DSCAML1: variants seen among roughly 807,000 people sequenced by gnomAD.
DSCAML1 encodes cell adhesion molecule DSCAML1.
DSCAML1 carries 38 observed loss-of-function variants against 200.5 expected under a neutral mutation model. That is an observed-to-expected ratio of 0.19 (90% CI 0.15 to 0.25). The LOEUF is 0.25. DSCAML1 is among the 10% of genes least tolerant of loss of function. The pLI is 1.00. For missense variants in DSCAML1, 2,223 were observed against 2,858.8 expected (o/e 0.78, Z 5.07); for synonymous variants, 1,215 against 1,165.0 (o/e 1.04, Z -0.87).
chr11:117,663,890 G>A (rs1023773671), intron 3 of DSCAML1, among the ~76,000 whole-genome samples: 1 of 152,172 alleles, frequency 6.6e-6, no homozygotes, highest in Non-Finnish European at 1.5e-5. Flanking sequence ...TATTTATAGC[G>A]TGACTGAAAC....
chr11:117,580,899 T>G (rs1330410205), intron 3 of DSCAML1, among the ~76,000 whole-genome samples: 1 of 152,148 alleles, frequency 6.6e-6, no homozygotes, highest in Non-Finnish European at 1.5e-5. Flanking sequence ...TTACACAGAT[T>G]AAAGAACAAT....
At chr11:117,513,461 C>A (rs979765860) in intron 8 of DSCAML1, among the ~76,000 whole-genome samples, 1 of 152,156 alleles carries the variant, frequency 6.6e-6, no homozygotes, top group Non-Finnish European at 1.5e-5. Context: ...CCACTTTCAT[C>A]CGGGAGCGGT....
In DSCAML1 at chr11:117,657,801, A is replaced by G. The variant is rs115456274; in HGVS notation, c.511+118990T>C. Among the ~76,000 whole-genome samples, 381 of 152,274 alleles carry G rather than the reference A, an allele frequency of 2.5e-3. 1 individual carries two copies. Among genetic ancestry groups the G allele is most frequent in the African/African-American group, 8.6e-3 (358 of 41,554 alleles). ...CTTTGAAGGCCCCCTTTTAGCCCTGAGATTCTGAACTGTGATCAGTGAATA... is the reference window on the plus strand; with the variant it reads ...CTTTGAAGGCCCCCTTTTAGCCCTGGGATTCTGAACTGTGATCAGTGAATA... On this transcript the variant is annotated intron_variant, in intron 3 of 32. Coordinates refer to ENST00000651296, the MANE Select transcript of DSCAML1 (RefSeq NM_020693.4).
At chr11:117,793,175 T>G (rs2055506460) in intron 1 of DSCAML1, among the ~76,000 whole-genome samples, 1 of 152,150 alleles carries the variant, frequency 6.6e-6, no homozygotes, top group Admixed American at 6.5e-5. Context: ...AAATCTGGGG[T>G]GTGCCCTTGG....
intron 18 of DSCAML1, among the ~76,000 whole-genome samples, chr11:117,460,456 G>A (rs1429793218): frequency 1.3e-5 from 2 of 152,160 alleles, no homozygotes; most frequent in Non-Finnish European, 1.5e-5. Flanking sequence ...AGAGGGCCCA[G>A]GGGGCTGGGA....
chr11:117,670,598 G>C (rs193222243), intron 3 of DSCAML1, among the ~76,000 whole-genome samples: 1 of 152,114 alleles, frequency 6.6e-6, no homozygotes, highest in Non-Finnish European at 1.5e-5. Context: ...GAAGGCTGAC[G>C]GGAGGGGTCA....
At chr11:117,442,026 GTGTGTA>G (rs2048061791) in intron 21 of DSCAML1, among the ~76,000 whole-genome samples, 3 of 100,812 alleles carry the variant, frequency 3.0e-5, no homozygotes, top group South Asian at 3.5e-4. Flanking sequence ...GCATGTGAGT[GTGTGTA>G]TGTGTGTGTG....
At chr11:117,515,960 C>T (rs2049757444) in intron 8 of DSCAML1, among the ~76,000 whole-genome samples, 1 of 152,076 alleles carries the variant, frequency 6.6e-6, no homozygotes, top group Admixed American at 6.5e-5. Context: ...CTTTCCAGGC[C>T]TCAAGCAGTA....
At chr11:117,794,054 T>C (rs1275280007) in intron 1 of DSCAML1, among the ~76,000 whole-genome samples, 1 of 144,106 alleles carries the variant, frequency 6.9e-6, no homozygotes, top group East Asian at 2.3e-4. Flanking sequence ...TTTTTTTAAT[T>C]AGACACTGAA....
chr11:117,688,360 T>C (rs2053441108), intron 3 of DSCAML1, among the ~76,000 whole-genome samples: 1 of 152,084 alleles, frequency 6.6e-6, no homozygotes, highest in African/African-American at 2.4e-5. Context: ...TTCTCGGGGA[T>C]GGGCCCAGGC....
At chr11:117,549,654 C>G (rs77342459) in intron 3 of DSCAML1, among the ~76,000 whole-genome samples, 2,328 of 152,334 alleles carry the variant, frequency 0.015, 37 homozygotes, top group East Asian at 0.079. Flanking sequence ...TTATGACTTA[C>G]AGCTTCCCAT....
At chr11:117,473,011 A>G (rs1263596902) in intron 14 of DSCAML1, among the ~76,000 whole-genome samples, 1 of 152,220 alleles carries the variant, frequency 6.6e-6, no homozygotes, top group Non-Finnish European at 1.5e-5. Context: ...GTAGGGCTGA[A>G]AAATGTTCCC....
Position 117,482,111 on chromosome 11 carries a change from T to C in DSCAML1, c.2411A>G (p.His804Arg). The change falls in exon 12 of 33, where the codon CAT (histidine) becomes CGT (arginine). Residue 804 changes from histidine to arginine, a missense_variant. Physicochemically the swap from His to Arg is conservative, Grantham distance 29 (BLOSUM62 0). Transcript: ENST00000651296. ...HPNTTIAIKG[H>R]AKELNCTARG... Reference sequence around the variant, plus strand: ...TGCCGTGCAGTTTAGCTCCTTCGCATGGCCCTTGATGGCGATGGTGGTGTT... The same window carrying C: ...TGCCGTGCAGTTTAGCTCCTTCGCACGGCCCTTGATGGCGATGGTGGTGTT... The C allele has an allele frequency of 6.2e-7, 1 of 1,614,186 alleles. No homozygotes were observed. Among genetic ancestry groups the C allele is most frequent in the South Asian group, 1.1e-5 (1 of 91,088 alleles).
intron 1 of DSCAML1, chr11:117,817,303 C>A (rs2055819197): frequency 6.6e-6 from 1 of 152,454 alleles, no homozygotes; most frequent in African/African-American, 2.4e-5. Context: ...GCCCTCTCCC[C>A]AGATGGTGAA....
At chr11:117,462,288 C>T (rs557528490) in intron 17 of DSCAML1, among the ~76,000 whole-genome samples, 44 of 152,022 alleles carry the variant, frequency 2.9e-4, no homozygotes, top group Admixed American at 1.8e-3. Flanking sequence ...GTGCTTCTCC[C>T]GCCAGTCACA....
intron 14 of DSCAML1, among the ~76,000 whole-genome samples, chr11:117,476,130 C>T (rs1045457590): frequency 6.6e-6 from 1 of 152,222 alleles, no homozygotes; most frequent in Non-Finnish European, 1.5e-5. Context: ...CTCTCTCTCC[C>T]TTTCTTCATC....
At chr11:117,749,212 A>G (rs1213828608) in intron 3 of DSCAML1, among the ~76,000 whole-genome samples, 2 of 152,196 alleles carry the variant, frequency 1.3e-5, no homozygotes, top group Non-Finnish European at 2.9e-5. Context: ...TTGAGCCGGG[A>G]CGAGGGTTTG....
rs543391813 is a variant in DSCAML1, at chr11:117,739,981, T to C, written c.511+36810A>G. Among the ~76,000 whole-genome samples the C allele has an allele frequency of 1.6e-4, 24 of 152,298 alleles. No homozygotes were observed. The South Asian group carries it at 5.0e-3, about 32-fold the overall frequency. ...CACTTGGGCACATGACCAACATTTT[T>C]TAGCATTCAGGGGCTGTGACGTGTG... On this transcript the variant is annotated intron_variant, in intron 3 of 32. Coordinates refer to ENST00000651296, the MANE Select transcript of DSCAML1 (RefSeq NM_020693.4).
At chr11:117,524,334 G>C (rs1410307951) in intron 5 of DSCAML1, among the ~76,000 whole-genome samples, 1 of 152,230 alleles carries the variant, frequency 6.6e-6, no homozygotes, top group Non-Finnish European at 1.5e-5. Context: ...CAATGATTGT[G>C]AAACATCCTG....
Sources: allele counts gnomAD v4.1 joint callset (sites outside exome capture counted in the v4.1 genomes callset), GRCh38; gene constraint gnomAD v4.1.1; transcripts MANE v1.5; gene names NCBI Gene and HGNC (gene_info 2026-07-23, HGNC 2026-07-21).